Variants in VKORC1L1 observed in about 807,000 individuals in gnomAD.
The protein encoded by VKORC1L1 is vitamin K epoxide reductase complex subunit 1-like protein 1.
Under a neutral mutation model 18.9 loss-of-function variants are expected in VKORC1L1, and 2 were observed. That is an observed-to-expected ratio of 0.11 (90% CI 0.04 to 0.33). VKORC1L1 has a LOEUF of 0.33. Ranked by LOEUF, VKORC1L1 falls within the 10% of genes least tolerant of loss-of-function variation. VKORC1L1 has a pLI of 1.00. For missense variants in VKORC1L1, 123 were observed against 224.1 expected (o/e 0.55, Z 2.88); for synonymous variants, 96 against 100.0 (o/e 0.96, Z 0.24).
chr7:65,918,480 G>C (rs141772415), intron 1 of VKORC1L1, among the ~76,000 whole-genome samples: 6 of 152,228 alleles, frequency 3.9e-5, no homozygotes, highest in Admixed American at 3.9e-4. Context: ...GAGACATACT[G>C]TCCAAAGACA....
At chr7:65,873,050 C>A (rs936032193), upstream of VKORC1L1, among the ~76,000 whole-genome samples, 116 of 146,236 alleles carry the variant, frequency 7.9e-4, no homozygotes, top group African/African-American at 2.5e-3. Context: ...CGACCGGCCG[C>A]GCGGCGCAGC....
intron 1 of VKORC1L1, among the ~76,000 whole-genome samples, chr7:65,924,334 G>A (rs778665686): frequency 2.6e-5 from 4 of 152,176 alleles, no homozygotes; most frequent in East Asian, 1.9e-4. Flanking sequence ...CAGCAAACTC[G>A]TCTTTGCCTT....
Position 65,905,922 on chromosome 7 carries a change from CT to C in VKORC1L1, c.194+32360del, listed in dbSNP as rs1583839083. Among the ~76,000 whole-genome samples, 3 of 152,276 alleles carry C rather than the reference CT, an allele frequency of 2.0e-5. No homozygotes were observed. In the East Asian group the frequency reaches 5.8e-4, roughly 29 times the overall value. On this transcript the variant is annotated intron_variant, in intron 1 of 2. Transcript: ENST00000360768. ...AATCTTTGAAATTCTATCAAAATCT[CT>C]TTGCCTTAAATTTGGCTAAAACATA...
intron 1 of VKORC1L1, among the ~76,000 whole-genome samples, chr7:65,916,115 TAAAA>T (rs35219358): frequency 1.6e-5 from 2 of 126,630 alleles, no homozygotes; most frequent in Admixed American, 8.2e-5. Context: ...TGTCTAAAAT[TAAAA>T]AAAAAAAAAA....
At chr7:65,930,027 CTGTG>C (rs1256895094) in intron 1 of VKORC1L1, among the ~76,000 whole-genome samples, 3 of 151,906 alleles carry the variant, frequency 2.0e-5, no homozygotes, top group East Asian at 1.9e-4. Flanking sequence ...ATGTATTTGT[CTGTG>C]TGTGCTATTA....
intron 1 of VKORC1L1, among the ~76,000 whole-genome samples, chr7:65,921,139 T>C (rs1325083808): frequency 6.6e-6 from 1 of 152,190 alleles, no homozygotes; most frequent in African/African-American, 2.4e-5. Context: ...GAAGTTATGG[T>C]TATAATTTCT....
chr7:65,872,988 C>T (rs1168231260), upstream of VKORC1L1, among the ~76,000 whole-genome samples: 1 of 109,638 alleles, frequency 9.1e-6, no homozygotes, highest in African/African-American at 2.7e-5. Flanking sequence ...CTGCCCCGCC[C>T]ATCCCCACCC....
chr7:65,913,457 G>A (rs945907236), intron 1 of VKORC1L1, among the ~76,000 whole-genome samples: 1 of 152,040 alleles, frequency 6.6e-6, no homozygotes, highest in Non-Finnish European at 1.5e-5. Flanking sequence ...GGCAGGCGCG[G>A]TGACTCTCAC....
intron 1 of VKORC1L1, among the ~76,000 whole-genome samples, chr7:65,903,384 C>T (rs566113239): frequency 5.4e-4 from 82 of 152,160 alleles, no homozygotes; most frequent in Non-Finnish European, 9.1e-4. Context: ...CCAGACTGGT[C>T]TCAAACTCCT....
chr7:65,948,540 C>T, intron 1 of VKORC1L1, 131 bp from the exon 2 acceptor site: 2 of 339,230 alleles, frequency 5.9e-6, no homozygotes, highest in South Asian at 5.6e-5. Context: ...AAATCACTCT[C>T]TCAACACAGG....
chr7:65,928,360 G>C (rs1562650078), intron 1 of VKORC1L1, among the ~76,000 whole-genome samples: 1 of 150,852 alleles, frequency 6.6e-6, no homozygotes. Context: ...CTGATAGCTG[G>C]GATTACAGGC....
chr7:65,891,119 C>CTTT (rs1789104440), intron 1 of VKORC1L1, among the ~76,000 whole-genome samples: 1 of 96,084 alleles, frequency 1.0e-5, no homozygotes. Context: ...TTTTTTTTTG[C>CTTT]AATTTATCCA....
At chr7:65,895,502 TATATATATATATATACAC>T (rs1562986695) in intron 1 of VKORC1L1, among the ~76,000 whole-genome samples, 4 of 99,544 alleles carry the variant, frequency 4.0e-5, no homozygotes, top group African/African-American at 1.4e-4. Flanking sequence ...TATATATATA[TATATATATATATATACAC>T]ACACACACAC....
intron 1 of VKORC1L1, among the ~76,000 whole-genome samples, chr7:65,900,983 G>A (rs1789305574): frequency 6.6e-6 from 1 of 152,022 alleles, no homozygotes; most frequent in Admixed American, 6.6e-5. Context: ...AATTTCACAG[G>A]TGAGATCCTA....
chr7:65,942,873 A>G (rs1176396415), intron 1 of VKORC1L1, among the ~76,000 whole-genome samples: 1 of 152,120 alleles, frequency 6.6e-6, no homozygotes, highest in African/African-American at 2.4e-5. Flanking sequence ...TGTTACTGTC[A>G]TTCTTCTATT....
Position 65,952,648 on chromosome 7 carries a change from G to A in VKORC1L1, c.305-1426G>A, listed in dbSNP as rs575370568. ...TTATCCATGAGTCATTGGGTAGGAG[G>A]GTAGTTTAACATGCTCTGCCTTCTC... On this transcript the variant is annotated intron_variant, in intron 2 of 2. Transcript: ENST00000360768. Among the ~76,000 whole-genome samples, 4 of 151,946 alleles carry A rather than the reference G, an allele frequency of 2.6e-5. No individual in the cohort carries two copies. The South Asian group carries it at 8.3e-4, about 32-fold the overall frequency.
intron 1 of VKORC1L1, among the ~76,000 whole-genome samples, chr7:65,896,534 C>G (rs1789215712): frequency 7.2e-6 from 1 of 138,342 alleles, no homozygotes; most frequent in South Asian, 2.6e-4. Flanking sequence ...ATCTTCCCCT[C>G]CCTCCCTCCC....
chr7:65,894,397 A>G (rs1215837140), intron 1 of VKORC1L1, among the ~76,000 whole-genome samples: 2 of 152,180 alleles, frequency 1.3e-5, no homozygotes, highest in South Asian at 2.1e-4. Flanking sequence ...AATTTTGTGT[A>G]TAAAGGTTTG....
chr7:65,913,334 G>A (rs1268883190), intron 1 of VKORC1L1, among the ~76,000 whole-genome samples: 1 of 152,044 alleles, frequency 6.6e-6, no homozygotes, highest in Non-Finnish European at 1.5e-5. Context: ...CTTATGGAAG[G>A]AGATCTGGGC....
Sources: gnomAD v4.1 joint callset for allele counts (sites outside exome capture counted in the v4.1 genomes callset) on GRCh38, gnomAD v4.1.1 for gene constraint, MANE v1.5 for transcripts, NCBI Gene and HGNC (gene_info 2026-07-23, HGNC 2026-07-21) for gene names.